The following RNF24 variants were observed in gnomAD, a reference collection of about 807,000 sequenced individuals.
RNF24 encodes the protein ring finger protein 24.
Under a neutral mutation model 20.0 loss-of-function variants are expected in RNF24, and 14 were observed. The observed-to-expected ratio is 0.70, with a 90% CI of 0.46 to 1.10. The LOEUF is 1.10. Ranked by LOEUF, RNF24 falls within the 50% of genes least tolerant of loss-of-function variation. The pLI, the probability that RNF24 is intolerant of heterozygous loss-of-function variation, is 0.00. For synonymous variants in RNF24, 45 were observed against 61.1 expected (o/e 0.74, Z 1.23); for missense variants, 124 against 177.6 (o/e 0.70, Z 1.71).
intron 1 of RNF24, among the ~76,000 whole-genome samples, chr20:4,012,961 T>C (rs902732152): frequency 6.6e-6 from 1 of 152,194 alleles, no homozygotes; most frequent in Non-Finnish European, 1.5e-5. Flanking sequence ...AGTTTATAAA[T>C]GTACTGGGTT....
chr20:3,950,449 GCAAGA>G (rs1285713256), intron 2 of RNF24, among the ~76,000 whole-genome samples: 1 of 152,182 alleles, frequency 6.6e-6, no homozygotes, highest in Non-Finnish European at 1.5e-5. Flanking sequence ...CTAGGAAGAG[GCAAGA>G]AAGACTCTCT....
At chr20:3,953,467 CT>C (rs58150160) in intron 2 of RNF24, among the ~76,000 whole-genome samples, 121,197 of 128,396 alleles carry the variant, frequency 0.94, 57,255 homozygotes, top group Middle Eastern at 0.99. Flanking sequence ...CACATTCTCT[CT>C]TTTTTTTTTT....
rs532771145 is a variant in RNF24, at chr20:3,928,050, G to A, written c.*6013C>T. 1 of 152,206 alleles carries A rather than the reference G, an allele frequency of 6.6e-6. No individual in the cohort carries two copies. The highest frequency in any genetic ancestry group is 6.5e-5 in the Admixed American group (1 of 15,286). 9.4% of individuals were successfully genotyped at this position (152,206 alleles called of 1,614,324 possible). A position where few individuals can be genotyped will look rare whatever the true frequency, so the allele number is the denominator to read the frequency against. On this transcript the variant is annotated 3_prime_UTR_variant, in exon 6 of 6. Coordinates refer to ENST00000358395, the MANE Select transcript of RNF24 (RefSeq NM_001134337.3). ...AATGGAAGCACACTCCCCAGCACATGGGGATCCCTTATTAATCTTTACTAA... is the reference window on the plus strand; with the variant it reads ...AATGGAAGCACACTCCCCAGCACATAGGGATCCCTTATTAATCTTTACTAA...
chr20:3,977,608 G>T (rs903341217), intron 1 of RNF24, among the ~76,000 whole-genome samples: 1 of 152,180 alleles, frequency 6.6e-6, no homozygotes, highest in South Asian at 2.1e-4. Flanking sequence ...GCTCACGCCT[G>T]TAATCCCAGG....
intron 1 of RNF24, among the ~76,000 whole-genome samples, chr20:4,010,298 G>A (rs1317696315): frequency 3.3e-5 from 5 of 152,120 alleles, no homozygotes; most frequent in East Asian, 1.9e-4. Context: ...GCTTGAACCC[G>A]GGAAGCAGAG....
intron 2 of RNF24, among the ~76,000 whole-genome samples, chr20:3,953,404 C>T (rs1256859373): frequency 6.6e-6 from 1 of 150,420 alleles, no homozygotes; most frequent in East Asian, 2.0e-4. Flanking sequence ...CTGCCTGCCT[C>T]AGCCTCCCAA....
chr20:3,974,575 T>C (rs6116136), intron 1 of RNF24, among the ~76,000 whole-genome samples: 1,553 of 152,258 alleles, frequency 0.01, 17 homozygotes, highest in African/African-American at 0.035. Flanking sequence ...ATACCAGATA[T>C]ACATATAAAA....
intron 2 of RNF24, among the ~76,000 whole-genome samples, chr20:3,961,421 G>A (rs1268629780): frequency 1.3e-5 from 2 of 149,622 alleles, no homozygotes; most frequent in East Asian, 3.9e-4. Flanking sequence ...AGATACAAAA[G>A]GATAAAATTA....
chr20:4,008,409 AATAT>A (rs754263258), intron 1 of RNF24, among the ~76,000 whole-genome samples: 1 of 43,424 alleles, frequency 2.3e-5, no homozygotes, highest in Admixed American at 3.4e-4. Context: ...TAATATGTAT[AATAT>A]ATATATTATA....
At chr20:3,955,008 T>A (rs1273630039) in intron 2 of RNF24, among the ~76,000 whole-genome samples, 1 of 152,186 alleles carries the variant, frequency 6.6e-6, no homozygotes, top group Admixed American at 6.5e-5. Context: ...TTTCTCCACA[T>A]CCTCATTAAC....
intron 1 of RNF24, among the ~76,000 whole-genome samples, chr20:3,968,307 A>G (rs1312615228): frequency 1.3e-5 from 2 of 148,516 alleles, no homozygotes; most frequent in African/African-American, 5.0e-5. Flanking sequence ...CTCAAAGGAA[A>G]AAAAAAATGC....
intron 1 of RNF24, among the ~76,000 whole-genome samples, chr20:3,984,717 TTCTC>T (rs1979730181): frequency 6.6e-6 from 1 of 152,186 alleles, no homozygotes; most frequent in Non-Finnish European, 1.5e-5. Context: ...TAAGAGTATC[TTCTC>T]TCTATTGTTT....
intron 2 of RNF24, among the ~76,000 whole-genome samples, chr20:3,953,779 CAG>C (rs1386177446): frequency 1.4e-5 from 2 of 138,290 alleles, no homozygotes; most frequent in Non-Finnish European, 3.1e-5. Context: ...TTTTTTGAGA[CAG>C]AGTCTCACTC....
intron 1 of RNF24, among the ~76,000 whole-genome samples, chr20:4,000,244 C>T (rs939225418): frequency 2.6e-5 from 4 of 152,236 alleles, no homozygotes; most frequent in Middle Eastern, 3.4e-3. Context: ...ATTTTAATGG[C>T]CAGATGTGGT....
chr20:3,955,573 T>C (rs953247073), intron 2 of RNF24, among the ~76,000 whole-genome samples: 1 of 152,202 alleles, frequency 6.6e-6, no homozygotes, highest in Non-Finnish European at 1.5e-5. Flanking sequence ...TGAGTCCTTC[T>C]ATTTGTTTTT....
intron 1 of RNF24, among the ~76,000 whole-genome samples, chr20:3,999,845 G>A (rs1481278524): frequency 6.6e-6 from 1 of 152,074 alleles, no homozygotes; most frequent in Non-Finnish European, 1.5e-5. Flanking sequence ...AGAGCCTTAA[G>A]ATAAAAAAGA....
intron 1 of RNF24, among the ~76,000 whole-genome samples, chr20:3,968,266 C>T (rs1374131519): frequency 6.6e-6 from 1 of 151,334 alleles, no homozygotes; most frequent in Non-Finnish European, 1.5e-5. Flanking sequence ...CGCACCATTG[C>T]ACTCCAGCCT....
chr20:3,956,263 G>GTT lies in RNF24; in HGVS notation c.143+7610_143+7611dup, dbSNP rs775579944. 2.9e-5 allele frequency among the ~76,000 whole-genome samples: 4 copies of GTT among 137,502 alleles called. No homozygotes were observed. In the South Asian group the frequency reaches 9.2e-4, roughly 32 times the overall value. 90.2% of individuals were successfully genotyped at this position (137,502 alleles called of 152,430 possible). ...AAGTACAATGTTAAGTTGTGTGTGT[G>GTT]TTTTTTTTTTTTTAATAAATGCCCT... is the stretch of plus-strand genomic sequence containing the variant. On this transcript the variant is annotated intron_variant, in intron 2 of 5. Transcript: ENST00000358395.
At chr20:3,970,694 A>C (rs1018480719) in intron 1 of RNF24, among the ~76,000 whole-genome samples, 1 of 152,136 alleles carries the variant, frequency 6.6e-6, no homozygotes, top group Non-Finnish European at 1.5e-5. Context: ...AATTGAAATA[A>C]AAAAACTAAA....
Sources: gnomAD v4.1 joint callset for allele counts (sites outside exome capture counted in the v4.1 genomes callset) on GRCh38, gnomAD v4.1.1 for gene constraint, MANE v1.5 for transcripts, NCBI Gene and HGNC (gene_info 2026-07-23, HGNC 2026-07-21) for gene names.